The following DPH6 variants were observed in gnomAD, a reference collection of about 807,000 sequenced individuals.
The protein encoded by DPH6 is diphthamine biosynthesis 6.
DPH6 carries 33 observed loss-of-function variants against 38.2 expected under a neutral mutation model. That is an observed-to-expected ratio of 0.86 (90% CI 0.65 to 1.15). The LOEUF is 1.15. Ranked by LOEUF, DPH6 falls within the 50% of genes most tolerant of loss-of-function variation. The probability of loss-of-function intolerance (pLI) is 0.00; values close to 1 mark genes in which losing one functional copy is unlikely to be tolerated. For synonymous variants in DPH6, 108 were observed against 103.0 expected (o/e 1.05, Z -0.30); for missense variants, 325 against 320.0 (o/e 1.02, Z -0.12).
intron 3 of DPH6, among the ~76,000 whole-genome samples, chr15:35,342,921 G>T (rs2052433174): frequency 6.6e-6 from 1 of 152,036 alleles, no homozygotes. Flanking sequence ...CTTTAATAAC[G>T]ATCAGTTCAA....
At position 35,263,398 on chromosome 15, in the gene DPH6, CTT is replaced by C. The variant is rs757916530; in HGVS notation, n.201-42818_201-42817del. On this transcript the variant is annotated intron_variant and non_coding_transcript_variant, in intron 3 of 3. Transcript: ENST00000560386. Reference sequence around the variant, plus strand: ...AAGAAAACATTTTAACATAATTAATCTTTTTTTTTTTTTTTTTTTTTTTTAGA... The same window carrying C: ...AAGAAAACATTTTAACATAATTAATCTTTTTTTTTTTTTTTTTTTTTTAGA... Among the ~76,000 whole-genome samples the C allele has an allele frequency of 4.4e-3, 431 of 98,996 alleles. 3 individuals carry two copies. Among genetic ancestry groups the C allele is most frequent in the African/African-American group, 9.4e-3 (221 of 23,546 alleles). The allele number at this position is 98,996 out of a possible 152,430, so 64.9% of individuals were successfully genotyped here. A position where few individuals can be genotyped will look rare whatever the true frequency, so the allele number is the denominator to read the frequency against.
Position 35,489,953 on chromosome 15 carries a change from A to G in DPH6, c.313-35133T>C, listed in dbSNP as rs1009618822. 6 of 981,968 alleles carry G rather than the reference A, an allele frequency of 6.1e-6. No homozygotes were observed. The African/African-American group carries it at 1.0e-4, about 17-fold the overall frequency. 60.8% of individuals were successfully genotyped at this position (981,968 alleles called of 1,614,324 possible). ...GTATCAAAAAGAAACTATTTTTAACAAACAGCTAAACAAAACTATTTAATA... is the reference window on the plus strand; with the variant it reads ...GTATCAAAAAGAAACTATTTTTAACGAACAGCTAAACAAAACTATTTAATA... On this transcript the variant is annotated intron_variant, in intron 3 of 8. Transcript: ENST00000256538.
At chr15:35,154,436 G>A in the DPH6 span, among the ~76,000 whole-genome samples, 2 of 152,014 alleles carry the variant, frequency 1.3e-5, no homozygotes, top group Non-Finnish European at 2.9e-5. Flanking sequence ...ACTTCTCGTC[G>A]CTGTGAGGAT....
At chr15:35,383,381 A>ACATT (rs2052898326) in intron 6 of DPH6, among the ~76,000 whole-genome samples, 1 of 152,334 alleles carries the variant, frequency 6.6e-6, no homozygotes, top group Admixed American at 6.5e-5. Flanking sequence ...TATTTCTATC[A>ACATT]CATTCATTCA....
intron 5 of DPH6, among the ~76,000 whole-genome samples, chr15:35,437,295 G>GA (rs1399188823): frequency 2.0e-5 from 3 of 151,924 alleles, no homozygotes; most frequent in Non-Finnish European, 4.4e-5. Context: ...GGGCTCCTTT[G>GA]AAAAAAATGT....
chr15:35,386,317 T>A (rs1198684608), intron 6 of DPH6, among the ~76,000 whole-genome samples: 2 of 152,268 alleles, frequency 1.3e-5, no homozygotes, highest in Non-Finnish European at 2.9e-5. Context: ...TATGTGTGCA[T>A]GTGTCTTTAT....
At chr15:35,148,908 T>C in the DPH6 span, among the ~76,000 whole-genome samples, 3 of 152,298 alleles carry the variant, frequency 2.0e-5, no homozygotes, top group East Asian at 5.8e-4. Context: ...CCTATGACAC[T>C]TGACTCTGAA....
At chr15:35,389,776 G>A (rs2053027393) in intron 6 of DPH6, among the ~76,000 whole-genome samples, 1 of 152,086 alleles carries the variant, frequency 6.6e-6, no homozygotes, top group African/African-American at 2.4e-5. Context: ...GCACACTGAT[G>A]GGTCTTGACT....
chr15:35,248,494 C>T (rs556289349), intron 3 of DPH6, among the ~76,000 whole-genome samples: 100 of 152,288 alleles, frequency 6.6e-4, no homozygotes, highest in African/African-American at 2.3e-3. Flanking sequence ...CCATTCTCCA[C>T]AACCTCAGTC....
rs754500413 is a variant in DPH6 at position 35,303,098 on chromosome 15, T to C, written n.200+70423A>G. The stretch of plus-strand genomic sequence containing the variant: ...ACACAGGTGACAATGTGGTGGTGCA[T>C]TGTCTCTTACACAGCAGTTAGAAAG... On this transcript the variant is annotated intron_variant and non_coding_transcript_variant, in intron 3 of 3. Transcript: ENST00000560386. Among the ~76,000 whole-genome samples, 52 of 152,222 alleles carry C rather than the reference T, an allele frequency of 3.4e-4. 1 individual carries two copies. The highest frequency in any genetic ancestry group is 2.6e-4 in the Non-Finnish European group (18 of 67,976).
At chr15:35,179,215 A>G in the DPH6 span, among the ~76,000 whole-genome samples, 2 of 150,334 alleles carry the variant, frequency 1.3e-5, no homozygotes, top group Non-Finnish European at 3.0e-5. Flanking sequence ...AAAAAAAAAA[A>G]AAAAAAAAAA....
At chr15:35,365,967 C>T, downstream of DPH6, 1 of 985,256 alleles carries the variant, frequency 1.0e-6, no homozygotes. Flanking sequence ...TTTTCTGCTC[C>T]TTAGCCTAAG....
intron 1 of DPH6, 67 bp downstream of exon 1, chr15:35,546,052 C>T (rs1218320223): frequency 2.3e-6 from 3 of 1,293,098 alleles, no homozygotes; most frequent in Middle Eastern, 2.0e-4. Flanking sequence ...TCTTTCGGCG[C>T]TAGCGGCGGC....
At chr15:35,523,774 T>C (rs992305304) in intron 3 of DPH6, among the ~76,000 whole-genome samples, 2 of 152,118 alleles carry the variant, frequency 1.3e-5, no homozygotes, top group African/African-American at 4.8e-5. Context: ...CATGCTATTA[T>C]CTTGAATCAA....
intron 3 of DPH6, among the ~76,000 whole-genome samples, chr15:35,236,260 A>C (rs2051550118): frequency 6.6e-6 from 1 of 152,242 alleles, no homozygotes; most frequent in Non-Finnish European, 1.5e-5. Context: ...TCAGATAGGA[A>C]TAATTTAGTA....
In DPH6 at chr15:35,237,407, C is replaced by T. The variant is rs535123218; in HGVS notation, n.201-16825G>A. The T allele has an allele frequency of 2.6e-4, 416 of 1,605,008 alleles. 2 individuals are homozygous for T. In the South Asian group the frequency reaches 4.2e-3, roughly 16 times the overall value. On this transcript the variant is annotated intron_variant and non_coding_transcript_variant, in intron 3 of 3. Coordinates refer to the DPH6 transcript ENST00000560386. ...GAAAGAACTTGTCCTGGACAACAGT[C>T]GGTCGAATGAAGGCAAACTCGAAGG...
chr15:35,174,768 A>G, the DPH6 span, among the ~76,000 whole-genome samples: 2 of 152,222 alleles, frequency 1.3e-5, no homozygotes, highest in Non-Finnish European at 2.9e-5. Context: ...AGAATACATC[A>G]GATGGACTTG....
the DPH6 span, among the ~76,000 whole-genome samples, chr15:35,159,865 T>C: frequency 3.9e-5 from 6 of 152,152 alleles, no homozygotes; most frequent in East Asian, 7.7e-4. Flanking sequence ...TGGAATACCA[T>C]ACAGCCATAA....
intron 3 of DPH6, among the ~76,000 whole-genome samples, chr15:35,238,813 A>C (rs2051576364): frequency 6.6e-6 from 1 of 151,568 alleles, no homozygotes; most frequent in Non-Finnish European, 1.5e-5. Flanking sequence ...TAACCCTGTG[A>C]ATTTCCTTCT....
Sources: allele counts gnomAD v4.1 joint callset (sites outside exome capture counted in the v4.1 genomes callset), GRCh38; gene constraint gnomAD v4.1.1; transcripts MANE v1.5; gene names NCBI Gene and HGNC (gene_info 2026-07-23, HGNC 2026-07-21).